The following CFAP46 variants were observed in gnomAD, a reference collection of about 807,000 sequenced individuals.
CFAP46 encodes the protein cilia and flagella associated protein 46.
A neutral mutation model predicts 325.7 loss-of-function variants in CFAP46; 245 were observed. The observed-to-expected ratio is 0.75, with a 90% CI of 0.68 to 0.84. CFAP46 has a LOEUF of 0.84. Ranked by LOEUF, CFAP46 falls within the 40% of genes least tolerant of loss-of-function variation. The pLI is 0.00. For missense variants in CFAP46, 3,346 were observed against 3,543.0 expected (o/e 0.94, Z 1.41); for synonymous variants, 1,523 against 1,495.9 (o/e 1.02, Z -0.42).
At chr10:132,815,862 G>A (rs565737030) in intron 50 of CFAP46, among the ~76,000 whole-genome samples, 19 of 152,152 alleles carry the variant, frequency 1.2e-4, no homozygotes, top group Non-Finnish European at 2.1e-4. Flanking sequence ...GTGCTGTTCT[G>A]GGGCAGTCTG....
intron 21 of CFAP46, 129 bp from the exon 22 acceptor site, chr10:132,908,763 C>A: frequency 1.7e-6 from 2 of 1,212,030 alleles, no homozygotes; most frequent in Non-Finnish European, 2.2e-6. Flanking sequence ...GGCCACCGTG[C>A]CACAAAAGCT....
chr10:132,825,101 CTGA>C (rs753063518), intron 50 of CFAP46, among the ~76,000 whole-genome samples: 18 of 132,194 alleles, frequency 1.4e-4, no homozygotes, highest in Admixed American at 2.4e-4. Flanking sequence ...TGTGTGAGTG[CTGA>C]TGTGTGCTGA....
chr10:132,929,684 C>T (rs1400519662), intron 9 of CFAP46, 21 bp downstream of exon 9: 2 of 1,601,184 alleles, frequency 1.2e-6, no homozygotes, highest in Admixed American at 3.3e-5. Context: ...CCCCAGGCAG[C>T]AGTGTCATGA....
rs914105626 is a variant in CFAP46, at chr10:132,869,409, G to A, written c.4512-37C>T. 13 of 1,438,092 alleles carry A rather than the reference G, an allele frequency of 9.0e-6. No individual in the cohort carries two copies. The highest frequency in any genetic ancestry group is 4.4e-5 in the Admixed American group (2 of 45,666). The allele number at this position is 1,438,092 out of a possible 1,614,324, so 89.1% of individuals were successfully genotyped here. Reference sequence around the variant, plus strand: ...GTGGCCGAAAGAGTCAGTGTTGCACGGGCGCAGAGGGAGCCAGAAACGAAG... The same window carrying A: ...GTGGCCGAAAGAGTCAGTGTTGCACAGGCGCAGAGGGAGCCAGAAACGAAG... On this transcript the variant is annotated intron_variant, in intron 32 of 57. Coordinates refer to ENST00000368586, the MANE Select transcript of CFAP46 (RefSeq NM_001200049.3). This position sits in a 1 kb window ranked among gnomAD's most constrained non-coding sequence, Gnocchi z 6.2.
chr10:132,929,454 T>C (rs1472625809), intron 9 of CFAP46: 15 of 728,284 alleles, frequency 2.1e-5, no homozygotes, highest in Non-Finnish European at 3.9e-5. Flanking sequence ...AATTGGACTC[T>C]AGAAACAACT....
chr10:132,897,866 C>T (rs1194204111), intron 24 of CFAP46, among the ~76,000 whole-genome samples: 1 of 152,234 alleles, frequency 6.6e-6, no homozygotes, highest in Non-Finnish European at 1.5e-5. Flanking sequence ...GCTGGACAGC[C>T]CAGAGGCCCC....
Position 132,817,522 on chromosome 10 carries a change from C to G in CFAP46, c.7118-2608G>C, listed in dbSNP as rs1030757894. Among the ~76,000 whole-genome samples, 1 of 152,132 alleles carries G rather than the reference C, an allele frequency of 6.6e-6. No homozygotes were observed. The highest frequency in any genetic ancestry group is 2.4e-5 in the African/African-American group (1 of 41,418). ...GGTTTTCTACCTGTTTCTCCATGAC[C>G]AGCTGTTGGATTTGATTGAGGTAAC... On this transcript the variant is annotated intron_variant, in intron 50 of 57. Coordinates refer to ENST00000368586, the MANE Select transcript of CFAP46 (RefSeq NM_001200049.3). This position sits in a 1 kb window ranked among gnomAD's most constrained non-coding sequence, Gnocchi z 4.4.
Position 132,879,519 on chromosome 10 carries a change from C to T in CFAP46, c.3912G>A (p.Val1304=), listed in dbSNP as rs1483848784. ...ACAGCACCAGGGCCAGCAGGATGTGCACGCGGGCCAGCGCCTCCAGCTGCC... is the reference window on the plus strand; with the variant it reads ...ACAGCACCAGGGCCAGCAGGATGTGTACGCGGGCCAGCGCCTCCAGCTGCC... The part of the protein sequence containing the change: ...SVRQLEALAR[V]HILLALVLSP... Residue 1304 remains valine (V), a synonymous_variant, in exon 29 of 58, where the codon GTG becomes GTA. Coordinates refer to ENST00000368586, the MANE Select transcript of CFAP46 (RefSeq NM_001200049.3). 6.5e-7 allele frequency: 1 copy of T among 1,547,256 alleles called. No homozygotes were observed. Among genetic ancestry groups the T allele is most frequent in the Admixed American group, 2.0e-5 (1 of 50,906 alleles).
Position 132,899,013 on chromosome 10 carries a change from C to T in CFAP46, c.3165G>A (p.Lys1055=). 2.6e-6 allele frequency: 4 copies of T among 1,550,584 alleles called. No homozygotes were observed. The highest frequency in any genetic ancestry group is 3.5e-6 in the Non-Finnish European group (4 of 1,146,970). ...TGCCGATGAGCCTCTTCAGGGCACC[C>T]TTGGCCTTCTTCCTGTAGACGGCTG... ...LSSAVYRKKA[K]GALKRLIGII... Residue 1055 remains lysine (K), a synonymous_variant, in exon 24 of 58, where the codon AAG becomes AAA. Coordinates refer to ENST00000368586, the MANE Select transcript of CFAP46 (RefSeq NM_001200049.3).
At chr10:132,834,199 G>T in intron 48 of CFAP46, 76 bp from the exon 49 acceptor site, 1 of 1,364,428 alleles carries the variant, frequency 7.3e-7, no homozygotes, top group Non-Finnish European at 1.0e-6. Flanking sequence ...CACCTGCTCA[G>T]CCTGTTTCAC....
intron 44 of CFAP46, among the ~76,000 whole-genome samples, chr10:132,843,808 GGTGTT>G (rs1253533647): frequency 7.8e-4 from 71 of 91,468 alleles, no homozygotes; most frequent in African/African-American, 2.7e-3. Context: ...GGTCTCGGTG[GGTGTT>G]CCCAGGGTGC....
rs187946221 is a variant in CFAP46, at chr10:132,938,916, C to A, written c.372-163G>T. 9.5e-4 allele frequency among the ~76,000 whole-genome samples: 145 copies of A among 152,274 alleles called. 2 individuals are homozygous for A. The highest frequency in any genetic ancestry group is 3.5e-3 in the African/African-American group (144 of 41,568). On this transcript the variant is annotated intron_variant, in intron 4 of 57. Transcript: ENST00000368586. ...ACCTGAGAAGCTTTGGCCCAGCCTG[C>A]AGGAGCACCAGGATGCAGAGCCCTT...
rs771811952 is a variant in CFAP46 at position 132,920,187 on chromosome 10, G to A, written c.1607-5C>T. The stretch of plus-strand genomic sequence containing the variant: ...CCCTGTTCTTCCCGGTGGAGACTGA[G>A]GGCGGAAATGCAAAGGCAGGTGTTG... On this transcript the variant is annotated splice_polypyrimidine_tract_variant and splice_region_variant and intron_variant, in intron 13 of 57. Transcript: ENST00000368586. 3.7e-5 allele frequency: 56 copies of A among 1,529,376 alleles called. 2 individuals are homozygous for A. In the South Asian group the frequency reaches 6.6e-4, roughly 18 times the overall value. The allele number at this position is 1,529,376 out of a possible 1,614,324, so 94.7% of individuals were successfully genotyped here.
rs1848690976 is a variant in CFAP46, at chr10:132,859,234, G to A, written c.5212C>T (p.Arg1738Trp). 6.5e-6 allele frequency: 10 copies of A among 1,548,162 alleles called. No individual in the cohort carries two copies. The highest frequency in any genetic ancestry group is 1.2e-5 in the South Asian group (1 of 84,012). ...TDLEARCLSL[R>W]VRVAQHSAVT... ...GCTGAGTGCTGCGCAACTCTGACCC[G>A]CAGGCTCAGGCACCTGACGGAGGGA... Residue 1738 changes from arginine (R) to tryptophan (W), a missense_variant, in exon 38 of 58, where the codon CGG (arginine) becomes TGG (tryptophan). By Grantham distance (101) the Arg-to-Trp change is moderately radical. Transcript: ENST00000368586.
intron 35 of CFAP46, among the ~76,000 whole-genome samples, chr10:132,863,272 G>C (rs1848750247): frequency 6.6e-6 from 1 of 152,150 alleles, no homozygotes; most frequent in Admixed American, 6.5e-5. Flanking sequence ...AGGGAGACTG[G>C]GCCTCTGCCC....
In CFAP46 at chr10:132,898,664, G is replaced by A. The variant is rs1395948236; in HGVS notation, c.3219+295C>T. The A allele has an allele frequency of 6.5e-6, 3 of 463,808 alleles. No individual in the cohort carries two copies. The East Asian group carries it at 1.3e-4, about 21-fold the overall frequency. The allele number at this position is 463,808 out of a possible 1,614,324, so 28.7% of individuals were successfully genotyped here. A position where few individuals can be genotyped will look rare whatever the true frequency, so the allele number is the denominator to read the frequency against. Reference sequence around the variant, plus strand: ...CTGCCTAGAATCCAAGCCTCTTAAGGCAGGGACTGTGCTGGCCTCACTCTA... The same window carrying A: ...CTGCCTAGAATCCAAGCCTCTTAAGACAGGGACTGTGCTGGCCTCACTCTA... On this transcript the variant is annotated intron_variant, in intron 24 of 57. Coordinates refer to ENST00000368586, the MANE Select transcript of CFAP46 (RefSeq NM_001200049.3).
At chr10:132,818,103 CT>C (rs1022818029) in intron 50 of CFAP46, among the ~76,000 whole-genome samples, 5 of 152,220 alleles carry the variant, frequency 3.3e-5, no homozygotes, top group African/African-American at 1.2e-4. Flanking sequence ...ACAGGCACCC[CT>C]GGGCGGCCCG....
rs1383379400 is a variant in CFAP46 at position 132,877,011 on chromosome 10, G to C, written c.4213-50C>G. The C allele has an allele frequency of 6.6e-7, 1 of 1,526,646 alleles. No individual in the cohort carries two copies. Among genetic ancestry groups the C allele is most frequent in the Admixed American group, 2.0e-5 (1 of 49,842 alleles). The allele number at this position is 1,526,646 out of a possible 1,614,324, so 94.6% of individuals were successfully genotyped here. ...TACCTGAAACGGTGGAGGTGAAACA[G>C]CAGACACCCCCGGCCCACCGGCATG... On this transcript the variant is annotated intron_variant, in intron 30 of 57. Coordinates refer to ENST00000368586, the MANE Select transcript of CFAP46 (RefSeq NM_001200049.3). The surrounding 1 kb of genome is among the most constrained non-coding windows in gnomAD (Gnocchi z 5.7).
chr10:132,899,073 C>T lies in CFAP46; in HGVS notation c.3105G>A (p.Arg1035=), dbSNP rs1443374660. ...GSSALVMLAA[R]HYWNAWLPLL... ...GTGGGAGCCAGGCGTTCCAGTAATG[C>T]CGCGCGGCCAGCATCACCAGGGCGC... Residue 1035 remains arginine (R), a synonymous_variant, in exon 24 of 58, where the codon CGG becomes CGA. Transcript: ENST00000368586. The T allele has an allele frequency of 1.3e-6, 2 of 1,550,514 alleles. No homozygotes were observed. The highest frequency in any genetic ancestry group is 1.2e-5 in the South Asian group (1 of 84,066).
Sources: allele counts gnomAD v4.1 joint callset (sites outside exome capture counted in the v4.1 genomes callset), GRCh38; gene constraint gnomAD v4.1.1; non-coding constraint Gnocchi (gnomAD v3.1); transcripts MANE v1.5; gene names NCBI Gene and HGNC (gene_info 2026-07-23, HGNC 2026-07-21).